The following LSAMP variants were observed in gnomAD, a reference collection of about 807,000 sequenced individuals.
LSAMP encodes the protein limbic system associated membrane protein.
LSAMP carries 7 observed loss-of-function variants against 38.6 expected under a neutral mutation model. That is an observed-to-expected ratio of 0.18 (90% CI 0.10 to 0.34). The LOEUF (loss-of-function observed/expected upper bound fraction) is 0.34. LSAMP is among the 10% of genes least tolerant of loss of function. LSAMP has a pLI of 1.00. For missense variants in LSAMP, 313 were observed against 420.0 expected (o/e 0.75, Z 2.23); for synonymous variants, 154 against 166.8 (o/e 0.92, Z 0.59).
At chr3:116,438,580 T>A (rs913769474) in intron 1 of LSAMP, among the ~76,000 whole-genome samples, 3 of 152,206 alleles carry the variant, frequency 2.0e-5, no homozygotes, top group Non-Finnish European at 4.4e-5. Flanking sequence ...ATTTAGCAAA[T>A]CACATGTTCA....
chr3:116,317,416 C>T (rs538345489), intron 1 of LSAMP, among the ~76,000 whole-genome samples: 9 of 150,200 alleles, frequency 6.0e-5, no homozygotes, highest in East Asian at 4.0e-4. Flanking sequence ...AGCGCAGTGG[C>T]GCGATCTCGG....
chr3:116,302,966 T>C (rs1468778109), intron 1 of LSAMP, among the ~76,000 whole-genome samples: 2 of 152,206 alleles, frequency 1.3e-5, no homozygotes, highest in Non-Finnish European at 2.9e-5. Flanking sequence ...ACAGAGAATC[T>C]ATAATTTTAA....
intron 3 of LSAMP, among the ~76,000 whole-genome samples, chr3:115,886,721 G>A (rs754187433): frequency 6.6e-6 from 1 of 151,912 alleles, no homozygotes; most frequent in Non-Finnish European, 1.5e-5. Context: ...ATAGGCTAAA[G>A]CTGCATTTCC....
At chr3:115,893,644 A>T (rs1936657385) in intron 3 of LSAMP, among the ~76,000 whole-genome samples, 1 of 152,052 alleles carries the variant, frequency 6.6e-6, no homozygotes, top group African/African-American at 2.4e-5. Flanking sequence ...ATATTATAAA[A>T]GTGTAGTCTT....
At chr3:116,105,926 C>A (rs1471115341) in intron 1 of LSAMP, among the ~76,000 whole-genome samples, 1 of 150,474 alleles carries the variant, frequency 6.6e-6, no homozygotes, top group Non-Finnish European at 1.5e-5. Context: ...GGATTAGGGG[C>A]GGCGTGGGAA....
At chr3:116,418,831 C>T (rs1576209475) in intron 1 of LSAMP, among the ~76,000 whole-genome samples, 1 of 152,128 alleles carries the variant, frequency 6.6e-6, no homozygotes, top group South Asian at 2.1e-4. Context: ...AAGGGATTCA[C>T]TATTTGCTAA....
chr3:116,129,188 T>C (rs753811462), intron 1 of LSAMP, among the ~76,000 whole-genome samples: 1 of 152,132 alleles, frequency 6.6e-6, no homozygotes, highest in African/African-American at 2.4e-5. Context: ...TATTTGGTAA[T>C]ATAGAGGAGT....
At chr3:115,815,426 G>A (rs1933986827) in intron 6 of LSAMP, among the ~76,000 whole-genome samples, 1 of 152,100 alleles carries the variant, frequency 6.6e-6, no homozygotes, top group African/African-American at 2.4e-5. Flanking sequence ...TCAATTGAAT[G>A]TGAGCTCTTC....
At chr3:116,142,374 A>G (rs915484716) in intron 1 of LSAMP, among the ~76,000 whole-genome samples, 5 of 151,944 alleles carry the variant, frequency 3.3e-5, no homozygotes, top group African/African-American at 1.2e-4. Flanking sequence ...ACTCCAAAAG[A>G]CATCTTGTTC....
intron 3 of LSAMP, among the ~76,000 whole-genome samples, chr3:115,954,534 C>T: frequency 6.6e-6 from 1 of 152,206 alleles, no homozygotes; most frequent in Non-Finnish European, 1.5e-5. Context: ...GTACAAAAGT[C>T]TGATACATTC....
chr3:116,174,531 A>T (rs1710288571), intron 1 of LSAMP, among the ~76,000 whole-genome samples: 1 of 152,040 alleles, frequency 6.6e-6, no homozygotes, highest in Admixed American at 6.6e-5. Context: ...AAGAAAACTG[A>T]TAACTTCGCT....
At chr3:115,970,689 T>G (rs1454564830) in intron 3 of LSAMP, among the ~76,000 whole-genome samples, 1 of 152,194 alleles carries the variant, frequency 6.6e-6, no homozygotes, top group Non-Finnish European at 1.5e-5. Flanking sequence ...CACAGATATA[T>G]GTACAAATAT....
intron 2 of LSAMP, among the ~76,000 whole-genome samples, chr3:116,062,366 G>A (rs111999912): frequency 9.2e-4 from 140 of 152,194 alleles, no homozygotes; most frequent in Non-Finnish European, 1.6e-3. Flanking sequence ...AAAATTAGCC[G>A]GGCGTGGTGG....
chr3:116,260,701 T>TCTAA (rs1453175513), intron 1 of LSAMP, among the ~76,000 whole-genome samples: 2 of 152,174 alleles, frequency 1.3e-5, no homozygotes, highest in Non-Finnish European at 2.9e-5. Context: ...CTTCCAGGTT[T>TCTAA]CTAACTCTGG....
intron 1 of LSAMP, among the ~76,000 whole-genome samples, chr3:116,288,144 T>G (rs960149180): frequency 5.3e-5 from 8 of 152,194 alleles, no homozygotes; most frequent in African/African-American, 1.9e-4. Context: ...TTGTTTATAT[T>G]AGATGGAACG....
intron 3 of LSAMP, among the ~76,000 whole-genome samples, chr3:116,005,179 T>C (rs989312348): frequency 6.6e-6 from 1 of 152,156 alleles, no homozygotes; most frequent in African/African-American, 2.4e-5. Context: ...AAAGAAGCCC[T>C]AAAGAAAGAG....
chr3:116,335,081 A>T (rs2047901698), intron 1 of LSAMP, among the ~76,000 whole-genome samples: 1 of 151,930 alleles, frequency 6.6e-6, no homozygotes, highest in African/African-American at 2.4e-5. Context: ...TGTAATAATA[A>T]TAATGAATAA....
At chr3:116,019,156 G>C (rs1940564972) in intron 3 of LSAMP, among the ~76,000 whole-genome samples, 1 of 92,952 alleles carries the variant, frequency 1.1e-5, no homozygotes, top group Middle Eastern at 4.3e-3. Flanking sequence ...TGCATTGTGG[G>C]TGGGGGGGGG....
intron 1 of LSAMP, among the ~76,000 whole-genome samples, chr3:116,410,015 A>C (rs1002007105): frequency 6.6e-6 from 1 of 152,066 alleles, no homozygotes; most frequent in African/African-American, 2.4e-5. Flanking sequence ...GGATTCCCTT[A>C]AGTGTTTTGT....
Sources: allele counts gnomAD v4.1 joint callset (sites outside exome capture counted in the v4.1 genomes callset), GRCh38; gene constraint gnomAD v4.1.1; transcripts MANE v1.5; gene names NCBI Gene and HGNC (gene_info 2026-07-23, HGNC 2026-07-21).